Variants in RYR2 observed in about 807,000 individuals in gnomAD.
RYR2 encodes cardiac muscle ryanodine receptor-calcium release channel.
A neutral mutation model predicts 601.1 loss-of-function variants in RYR2; 227 were observed. That is an observed-to-expected ratio of 0.38 (90% CI 0.34 to 0.42). The LOEUF (loss-of-function observed/expected upper bound fraction) is 0.42, where lower values mean the gene tolerates loss of function less well. Among genes scored for constraint, RYR2 ranks in the 10% least tolerant of loss-of-function variants. The probability of loss-of-function intolerance (pLI) is 1.00; values close to 1 mark genes in which losing one functional copy is unlikely to be tolerated. For synonymous variants in RYR2, 2,223 were observed against 2,175.1 expected, an observed-to-expected ratio of 1.02 and a Z score of -0.61; for missense variants, 4,646 against 6,156.5, an observed-to-expected ratio of 0.75 and a Z score of 8.21.
intron 17 of RYR2, among the ~76,000 whole-genome samples, chr1:237,483,946 G>C (rs1662394885): frequency 6.6e-6 from 1 of 152,146 alleles, no homozygotes; most frequent in Admixed American, 6.5e-5. Flanking sequence ...AATTCACTGG[G>C]TCTCTGATTG....
Position 237,208,982 on chromosome 1 carries a change from A to G in RYR2, c.49-61515A>G, listed in dbSNP as rs1320034002. The stretch of plus-strand genomic sequence containing the variant: ...TATATATATATATATATATATATAT[A>G]TATGTATACTGTAATTGAACTATGA... On this transcript the variant is annotated intron_variant, in intron 1 of 104. Coordinates refer to ENST00000366574, the MANE Select transcript of RYR2 (RefSeq NM_001035.3). 5.1e-4 allele frequency among the ~76,000 whole-genome samples: 62 copies of G among 121,096 alleles called. 3 individuals are homozygous for G. Among genetic ancestry groups the G allele is most frequent in the South Asian group, 1.4e-3 (5 of 3,474 alleles). 79.4% of individuals were successfully genotyped at this position (121,096 alleles called of 152,430 possible). A position where few individuals can be genotyped will look rare whatever the true frequency, so the allele number is the denominator to read the frequency against.
At chr1:237,830,767 G>A (rs553210425) in intron 103 of RYR2, 137 bp downstream of exon 103, 6 of 538,086 alleles carry the variant, frequency 1.1e-5, no homozygotes, top group Non-Finnish European at 1.7e-5. Context: ...AAGTCCAACA[G>A]CTAATGGCTC....
chr1:237,787,606 A>C (rs548853871), intron 91 of RYR2, among the ~76,000 whole-genome samples: 3 of 150,866 alleles, frequency 2.0e-5, no homozygotes, highest in Admixed American at 6.6e-5. Flanking sequence ...ACAAAAAAAA[A>C]AAAAAAAAAA....
chr1:237,598,958 C>G (rs36091144), intron 34 of RYR2, among the ~76,000 whole-genome samples: 4,762 of 151,966 alleles, frequency 0.031, 121 homozygotes, highest in Middle Eastern at 0.058. Context: ...ACATTACAAC[C>G]TATACCACAG....
chr1:237,585,088 C>A (rs12140714), intron 29 of RYR2, among the ~76,000 whole-genome samples: 43,231 of 151,808 alleles, frequency 0.28, 6,674 homozygotes, highest in East Asian at 0.61. Context: ...GTTTGTTTAC[C>A]TACTGTCTAT....
chr1:237,318,294 CAT>C (rs1290689300), intron 2 of RYR2, among the ~76,000 whole-genome samples: 1 of 152,062 alleles, frequency 6.6e-6, no homozygotes, highest in African/African-American at 2.4e-5. Flanking sequence ...CATATACACC[CAT>C]ACATCATACA....
chr1:237,575,043 C>G (rs1390854620), intron 29 of RYR2, among the ~76,000 whole-genome samples: 1 of 152,166 alleles, frequency 6.6e-6, no homozygotes, highest in Non-Finnish European at 1.5e-5. Flanking sequence ...TTCAGACTCA[C>G]AAGACTATCA....
At chr1:237,284,475 T>TGC (rs1333762296) in intron 2 of RYR2, among the ~76,000 whole-genome samples, 4 of 86,818 alleles carry the variant, frequency 4.6e-5, no homozygotes, top group African/African-American at 1.3e-4. Context: ...CCACTATATA[T>TGC]ACATATATAT....
intron 1 of RYR2, among the ~76,000 whole-genome samples, chr1:237,090,807 C>T (rs2148459002): frequency 1.3e-5 from 2 of 152,254 alleles, no homozygotes; most frequent in East Asian, 3.9e-4. Context: ...TCACGAGACT[C>T]TTTTACTGGG....
chr1:237,605,329 T>C (rs113726465), intron 35 of RYR2, among the ~76,000 whole-genome samples: 2 of 152,174 alleles, frequency 1.3e-5, no homozygotes, highest in Non-Finnish European at 2.9e-5. Context: ...AACCACATGA[T>C]TATCTCAACA....
intron 4 of RYR2, among the ~76,000 whole-genome samples, chr1:237,359,988 G>A (rs1699642759): frequency 2.6e-5 from 4 of 152,166 alleles, no homozygotes; most frequent in Admixed American, 2.6e-4. Flanking sequence ...TATAGACTGA[G>A]TGATGTCTTA....
At chr1:237,710,605 T>A (rs1022998003) in intron 70 of RYR2, among the ~76,000 whole-genome samples, 1 of 152,114 alleles carries the variant, frequency 6.6e-6, no homozygotes, top group African/African-American at 2.4e-5. Context: ...TTATTTATCC[T>A]GTGTAACTCA....
At chr1:237,239,286 G>A (rs1037819816) in intron 1 of RYR2, among the ~76,000 whole-genome samples, 2 of 152,104 alleles carry the variant, frequency 1.3e-5, no homozygotes, top group Non-Finnish European at 2.9e-5. Flanking sequence ...ATGGAGTGAG[G>A]TTAAGAGCAG....
At chr1:237,193,167 C>CAAAAA (rs58552588) in intron 1 of RYR2, among the ~76,000 whole-genome samples, 4 of 37,420 alleles carry the variant, frequency 1.1e-4, no homozygotes, top group African/African-American at 1.8e-4. Context: ...GCTAAAAGTA[C>CAAAAA]AAAAAAAAAA....
rs147027464 is a variant in RYR2 at position 237,107,220 on chromosome 1, G to A, written c.48+64651G>A. On this transcript the variant is annotated intron_variant, in intron 1 of 104. Transcript: ENST00000366574. ...TATATATCTTAACTTAGAAGTTATA[G>A]ATGCTGTACTATGAGCCCCACTTAG... 1.7e-3 allele frequency among the ~76,000 whole-genome samples: 261 copies of A among 152,206 alleles called. 2 individuals carry two copies. Among genetic ancestry groups the A allele is most frequent in the African/African-American group, 5.1e-3 (210 of 41,536 alleles).
intron 18 of RYR2, 76 bp downstream of exon 18, chr1:237,492,000 A>C: frequency 1.4e-6 from 1 of 725,782 alleles, no homozygotes; most frequent in Non-Finnish European, 2.3e-6. Flanking sequence ...ATAACTTTTA[A>C]AAAGTGTGTC....
chr1:237,573,257 C>T (rs940009427), intron 29 of RYR2, among the ~76,000 whole-genome samples: 22 of 147,488 alleles, frequency 1.5e-4, no homozygotes, highest in African/African-American at 4.7e-4. Flanking sequence ...CACACACACA[C>T]GCATACATAT....
intron 2 of RYR2, among the ~76,000 whole-genome samples, chr1:237,316,321 C>T (rs1444250114): frequency 3.3e-5 from 5 of 152,124 alleles, no homozygotes; most frequent in South Asian, 2.1e-4. Context: ...TACTTTTATA[C>T]TTCCATTTGC....
chr1:237,289,726 AAAGGATACATT>A, intron 2 of RYR2, among the ~76,000 whole-genome samples: 1 of 152,350 alleles, frequency 6.6e-6, no homozygotes, highest in East Asian at 1.9e-4. Flanking sequence ...TACTTTATAT[AAAGGATACATT>A]TTTGTAAGCA....
Sources: gnomAD v4.1 joint callset for allele counts (sites outside exome capture counted in the v4.1 genomes callset) on GRCh38, gnomAD v4.1.1 for gene constraint, MANE v1.5 for transcripts, NCBI Gene and HGNC (gene_info 2026-07-23, HGNC 2026-07-21) for gene names.